Variants in FGF13 observed in about 807,000 individuals in gnomAD.
FGF13 encodes the protein fibroblast growth factor homologous factor 2.
A neutral mutation model predicts 19.5 loss-of-function variants in FGF13; 2 were observed. The ratio of observed to expected loss-of-function variants is 0.10; its 90% confidence interval spans 0.04 to 0.32. FGF13 has a LOEUF of 0.32. Ranked by LOEUF, FGF13 falls within the 10% of genes least tolerant of loss-of-function variation. The pLI, the probability that FGF13 is intolerant of heterozygous loss-of-function variation, is 1.00. For synonymous variants in FGF13, 72 were observed against 76.9 expected (o/e 0.94, Z 0.33); for missense variants, 113 against 192.7 (o/e 0.59, Z 2.45).
chrX:139,201,937 C>T (rs2084418228), intron 1 of FGF13, among the ~76,000 whole-genome samples: 1 of 111,917 alleles, frequency 8.9e-6, no homozygotes, highest in South Asian at 3.8e-4. Context: ...TTAAAAGTTG[C>T]CTTGTAAAAT....
intron 3 of FGF13, among the ~76,000 whole-genome samples, chrX:138,822,934 G>A (rs1017804688): frequency 1.8e-5 from 2 of 111,888 alleles, no homozygotes; most frequent in Non-Finnish European, 3.8e-5. Flanking sequence ...ATACAGTGTG[G>A]TACAGTACAT....
At chrX:138,955,544 A>G (rs965461803) in intron 1 of FGF13, among the ~76,000 whole-genome samples, 2 of 112,330 alleles carry the variant, frequency 1.8e-5, no homozygotes, top group African/African-American at 6.5e-5. Context: ...GACCAAGGTT[A>G]CACAGGTAGT....
intron 1 of FGF13, among the ~76,000 whole-genome samples, chrX:139,028,687 CAG>C (rs1491551357): frequency 2.4e-4 from 4 of 16,685 alleles, no homozygotes; most frequent in Admixed American, 8.3e-4. Flanking sequence ...GTGTGAAAGA[CAG>C]TGTGTGTGTG....
intron 1 of FGF13, among the ~76,000 whole-genome samples, chrX:138,957,674 G>C (rs1350799134): frequency 1.8e-5 from 2 of 111,859 alleles, no homozygotes; most frequent in Non-Finnish European, 3.8e-5. Context: ...CCATTTGTTT[G>C]TGTCTTCTTT....
chrX:138,698,803 G>C (rs1404057149), intron 3 of FGF13, among the ~76,000 whole-genome samples: 1 of 111,615 alleles, frequency 9.0e-6, no homozygotes, highest in Non-Finnish European at 1.9e-5. Context: ...GAGGTAAAGG[G>C]GACAAGTTAT....
chrX:138,920,048 A>G (rs1252387095), intron 1 of FGF13, among the ~76,000 whole-genome samples: 1 of 111,549 alleles, frequency 9.0e-6, no homozygotes, highest in Non-Finnish European at 1.9e-5. Flanking sequence ...AATTAAGAAG[A>G]GGGGAGAGTA....
intron 1 of FGF13, among the ~76,000 whole-genome samples, chrX:139,044,784 G>A (rs187728429): frequency 1.3e-4 from 14 of 111,832 alleles, no homozygotes; most frequent in Non-Finnish European, 1.5e-4. Flanking sequence ...GTGAGGAGTC[G>A]CCTCCAATGG....
chrX:139,025,509 G>C (rs34806938), intron 1 of FGF13, among the ~76,000 whole-genome samples: 1,510 of 111,375 alleles, frequency 0.014, 12 homozygotes, highest in Non-Finnish European at 0.023. Context: ...CTCTCATCCA[G>C]TTGAAGGTCA....
At chrX:138,901,777 A>C (rs1328607741) in intron 1 of FGF13, among the ~76,000 whole-genome samples, 1 of 112,063 alleles carries the variant, frequency 8.9e-6, no homozygotes, top group Non-Finnish European at 1.9e-5. Flanking sequence ...AATAAAACTG[A>C]GAGAGTTCAT....
intron 1 of FGF13, among the ~76,000 whole-genome samples, chrX:138,984,591 G>A (rs2744055): frequency 0.02 from 366 of 18,548 alleles, 35 homozygotes; most frequent in East Asian, 0.041. Context: ...GAAGAAGAAG[G>A]AGGAGGAGGA....
chrX:139,162,869 G>T (rs751984579), intron 1 of FGF13, among the ~76,000 whole-genome samples: 2 of 112,018 alleles, frequency 1.8e-5, no homozygotes, highest in African/African-American at 6.5e-5. Context: ...TTAGAATGGC[G>T]ATCATTAAAA....
chrX:139,021,996 C>T (rs756601701), intron 1 of FGF13, among the ~76,000 whole-genome samples: 1 of 111,512 alleles, frequency 9.0e-6, no homozygotes, highest in South Asian at 3.7e-4. Flanking sequence ...TAGATTCTTT[C>T]TTTGTGTTAC....
intron 1 of FGF13, among the ~76,000 whole-genome samples, chrX:138,994,821 G>C (rs1207899045): frequency 1.8e-5 from 2 of 109,202 alleles, no homozygotes; most frequent in East Asian, 5.7e-4. Flanking sequence ...ATGTAAACAA[G>C]CATCTACACT....
At chrX:138,802,572 C>T (rs2090837600) in intron 3 of FGF13, among the ~76,000 whole-genome samples, 1 of 111,695 alleles carries the variant, frequency 9.0e-6, no homozygotes, top group Non-Finnish European at 1.9e-5. Context: ...AGGAACACTT[C>T]CTTGAATTTT....
At chrX:139,074,838 T>C (rs771817586) in intron 1 of FGF13, among the ~76,000 whole-genome samples, 1 of 112,406 alleles carries the variant, frequency 8.9e-6, no homozygotes, top group Admixed American at 9.4e-5. Flanking sequence ...ATTCTCTTGT[T>C]ATGCCTTAGG....
chrX:138,839,356 G>A (rs1035818362), intron 3 of FGF13, among the ~76,000 whole-genome samples: 5 of 111,152 alleles, frequency 4.5e-5, no homozygotes, highest in Non-Finnish European at 7.5e-5. Flanking sequence ...TAAGACAGAG[G>A]GGGTCAGAAA....
At chrX:139,186,232 T>G (rs6635777) in intron 1 of FGF13, among the ~76,000 whole-genome samples, 55,705 of 110,418 alleles carry the variant, frequency 0.5, 10,703 homozygotes, top group African/African-American at 0.71. Context: ...ATGCAAAGAA[T>G]AAGTGATACT....
intron 1 of FGF13, among the ~76,000 whole-genome samples, chrX:138,946,567 GGATATAA>G (rs2091782768): frequency 8.9e-6 from 1 of 111,782 alleles, no homozygotes; most frequent in South Asian, 3.7e-4. Context: ...TATGGAAAGT[GGATATAA>G]CAATCCCTGA....
intron 1 of FGF13, among the ~76,000 whole-genome samples, chrX:138,973,737 T>C (rs1247303548): frequency 8.9e-6 from 1 of 112,373 alleles, no homozygotes. Context: ...TTTATCATTA[T>C]ATAATTGCCT....
Sources: gnomAD v4.1 joint callset for allele counts (sites outside exome capture counted in the v4.1 genomes callset) on GRCh38, gnomAD v4.1.1 for gene constraint, MANE v1.5 for transcripts, NCBI Gene and HGNC (gene_info 2026-07-23, HGNC 2026-07-21) for gene names.